The following FAM234B variants were observed in gnomAD, a reference collection of about 807,000 sequenced individuals.
FAM234B encodes the protein protein FAM234B.
FAM234B carries 33 observed loss-of-function variants against 69.3 expected under a neutral mutation model. That is an observed-to-expected ratio of 0.48 (90% CI 0.36 to 0.64). The LOEUF is 0.64. Among genes scored for constraint, FAM234B ranks in the 30% least tolerant of loss-of-function variants. The pLI is 0.00. For synonymous variants in FAM234B, 306 were observed against 306.9 expected (o/e 1.00, Z 0.03); for missense variants, 697 against 769.7 (o/e 0.91, Z 1.12).
chr12:13,068,547 A>C, intron 8 of FAM234B, 83 bp from the exon 9 acceptor site: 6 of 1,580,580 alleles, frequency 3.8e-6, no homozygotes, highest in Non-Finnish European at 5.2e-6. Context: ...ATCTGGGGCC[A>C]GTGCAAGAGA....
rs975670058 is a variant in FAM234B, at chr12:13,044,708, A to T, written c.37+268A>T. ...GCGCCGAGCAGGTGTTACGGCGGGG[A>T]ATGTCAGAACGCCGGTCGCCGCTGT... On this transcript the variant is annotated intron_variant, in intron 1 of 12. Coordinates refer to ENST00000197268, the MANE Select transcript of FAM234B (RefSeq NM_020853.2). The surrounding 1 kb of genome is among the most constrained non-coding windows in gnomAD (Gnocchi z 5.6). Among the ~76,000 whole-genome samples, 1 of 151,622 alleles carries T rather than the reference A, an allele frequency of 6.6e-6. No homozygotes were observed. Among genetic ancestry groups the T allele is most frequent in the South Asian group, 2.1e-4 (1 of 4,790 alleles).
chr12:13,061,038 TTC>T (rs754384000), intron 3 of FAM234B, among the ~76,000 whole-genome samples: 9 of 152,238 alleles, frequency 5.9e-5, no homozygotes, highest in Non-Finnish European at 8.8e-5. Context: ...GAAAATATTT[TTC>T]TGCTCTCAGG....
At chr12:13,053,749 A>G (rs1301340589) in intron 1 of FAM234B, among the ~76,000 whole-genome samples, 1 of 152,216 alleles carries the variant, frequency 6.6e-6, no homozygotes, top group African/African-American at 2.4e-5. Flanking sequence ...CGGTCTGACC[A>G]AAATTTACCA....
chr12:13,050,011 G>A (rs1435865834), intron 1 of FAM234B, among the ~76,000 whole-genome samples: 1 of 152,154 alleles, frequency 6.6e-6, no homozygotes, highest in South Asian at 2.1e-4. Flanking sequence ...TAAGTCAGCT[G>A]GCTCCCCACC....
Position 13,061,575 on chromosome 12 carries a change from G to C in FAM234B, c.533G>C (p.Gly178Ala). 1 of 1,608,150 alleles carries C rather than the reference G, an allele frequency of 6.2e-7. No individual in the cohort carries two copies. Among genetic ancestry groups the C allele is most frequent in the South Asian group, 1.1e-5 (1 of 90,478 alleles). The change falls in exon 4 of 13, where the codon GGT becomes GCT. Residue 178 changes from glycine (G) to alanine (A), a missense_variant and splice_region_variant. Physicochemically the swap from Gly to Ala is moderately conservative, Grantham distance 60 (BLOSUM62 0). Transcript: ENST00000197268. ...FVMSRNGSAVGVSRPAANLVC... is the reference protein window; with the variant it reads ...FVMSRNGSAVAVSRPAANLVC... ...TTTTATCTCTCTTGTGTGCTTTTAG[G>C]TGTCTCAAGACCAGCTGCTAATCTT...
At chr12:13,061,302 A>T (rs923809544) in intron 3 of FAM234B, among the ~76,000 whole-genome samples, 1 of 152,182 alleles carries the variant, frequency 6.6e-6, no homozygotes, top group Non-Finnish European at 1.5e-5. Context: ...GCAGACATGT[A>T]AAGAGTAGTG....
chr12:13,053,658 CTGA>C (rs1343641216), intron 1 of FAM234B, among the ~76,000 whole-genome samples: 2 of 152,168 alleles, frequency 1.3e-5, no homozygotes, highest in African/African-American at 4.8e-5. Context: ...GTTAGAATTA[CTGA>C]TGAGGGTCTG....
At chr12:13,066,086 C>T (rs1865033159) in intron 5 of FAM234B, among the ~76,000 whole-genome samples, 1 of 152,202 alleles carries the variant, frequency 6.6e-6, no homozygotes, top group South Asian at 2.1e-4. Context: ...ACTGCTTTCA[C>T]ACAAGAACAG....
chr12:13,079,047 T>C (rs1459782338), intron 11 of FAM234B, among the ~76,000 whole-genome samples: 1 of 151,912 alleles, frequency 6.6e-6, no homozygotes, highest in Non-Finnish European at 1.5e-5. Flanking sequence ...TACTTTAAAG[T>C]TCATATGGAA....
chr12:13,061,110 T>G (rs1463755405), intron 3 of FAM234B, among the ~76,000 whole-genome samples: 2 of 152,260 alleles, frequency 1.3e-5, no homozygotes, highest in East Asian at 3.8e-4. Flanking sequence ...GCACACGTTC[T>G]GGATCAGTCT....
In FAM234B at chr12:13,079,868, C is replaced by G; in HGVS notation, c.1722C>G (p.Ala574=). ...TGPSSEGHPA[A]LVVSKLSLRW... The stretch of plus-strand genomic sequence containing the variant: ...CAAGCTCCGAAGGCCATCCAGCAGC[C>G]CTGGTGGTCAGCAAGCTTAGTCTAC... The change falls in exon 12 of 13, where the codon GCC becomes GCG. Residue 574 remains alanine, a synonymous_variant. Coordinates refer to ENST00000197268, the MANE Select transcript of FAM234B (RefSeq NM_020853.2). The G allele has an allele frequency of 6.2e-7, 1 of 1,614,048 alleles. No individual in the cohort carries two copies. The highest frequency in any genetic ancestry group is 1.1e-5 in the South Asian group (1 of 91,060).
intron 3 of FAM234B, among the ~76,000 whole-genome samples, chr12:13,058,862 G>A (rs888902214): frequency 2.6e-5 from 4 of 152,136 alleles, no homozygotes; most frequent in African/African-American, 9.7e-5. Context: ...GGGTTCCTTG[G>A]GTTTTCTCCT....
chr12:13,066,676 G>A lies in FAM234B; in HGVS notation c.889G>A (p.Gly297Arg), dbSNP rs753287299. Residue 297 changes from glycine (G) to arginine (R), a missense_variant, in exon 6 of 13, where the codon GGA (glycine) becomes AGA (arginine). Coordinates refer to ENST00000197268, the MANE Select transcript of FAM234B (RefSeq NM_020853.2). The part of the protein sequence containing the change: ...LCFLLVSGRT[G>R]NPVGRPVKYN... ...CTTTCTGCTGGTGTCTGGCCGGACC[G>A]GAAATCCAGTGGGTCGACCTGTGAA... The A allele has an allele frequency of 5.0e-6, 8 of 1,613,838 alleles. No individual in the cohort carries two copies. The highest frequency in any genetic ancestry group is 3.3e-5 in the Admixed American group (2 of 59,998).
chr12:13,075,653 TC>T (rs1865151217), intron 10 of FAM234B, among the ~76,000 whole-genome samples: 1 of 148,080 alleles, frequency 6.8e-6, no homozygotes, highest in Non-Finnish European at 1.5e-5. Context: ...ACAGGGTTTC[TC>T]CATGTTGGCC....
chr12:13,057,394 G>T (rs751642332), intron 2 of FAM234B, among the ~76,000 whole-genome samples: 1 of 151,286 alleles, frequency 6.6e-6, no homozygotes, highest in Non-Finnish European at 1.5e-5. Flanking sequence ...TTTTTCCATG[G>T]TATGAATATC....
intron 11 of FAM234B, among the ~76,000 whole-genome samples, chr12:13,079,481 G>A (rs1865200101): frequency 6.6e-6 from 1 of 152,146 alleles, no homozygotes; most frequent in Non-Finnish European, 1.5e-5. Context: ...CTAGTGTTTC[G>A]GGCTTGCTTT....
intron 12 of FAM234B, 30 bp downstream of exon 12, chr12:13,080,039 T>C: frequency 6.6e-7 from 1 of 1,510,842 alleles, no homozygotes; most frequent in Non-Finnish European, 8.9e-7. Context: ...TTGTTCCTCT[T>C]GAGGGTTTAG....
At chr12:13,047,863 G>A (rs1864828330) in intron 1 of FAM234B, among the ~76,000 whole-genome samples, 1 of 152,026 alleles carries the variant, frequency 6.6e-6, no homozygotes, top group Non-Finnish European at 1.5e-5. Flanking sequence ...AAGGCAAGTT[G>A]GTGGACTTCT....
In FAM234B at chr12:13,070,172, GATATATATATATATAT is replaced by G. The variant is rs66463903; in HGVS notation, c.1369-1045_1369-1030del. On this transcript the variant is annotated intron_variant, in intron 9 of 12. Coordinates refer to ENST00000197268, the MANE Select transcript of FAM234B (RefSeq NM_020853.2). Reference sequence around the variant, plus strand: ...AGTTAAACTATAATAATTAAAAAAAGATATATATATATATATATATATATATATATATATATATAAA... The same window carrying G: ...AGTTAAACTATAATAATTAAAAAAAGATATATATATATATATATATATAAA... Among the ~76,000 whole-genome samples the G allele has an allele frequency of 9.5e-3, 1,328 of 139,762 alleles. 22 individuals carry two copies. The highest frequency in any genetic ancestry group is 0.026 in the Middle Eastern group (7 of 268). The allele number at this position is 139,762 out of a possible 152,430, so 91.7% of individuals were successfully genotyped here.
Sources: gnomAD v4.1 joint callset for allele counts (sites outside exome capture counted in the v4.1 genomes callset) on GRCh38, gnomAD v4.1.1 for gene constraint, Gnocchi (gnomAD v3.1) non-coding constraint, MANE v1.5 for transcripts, NCBI Gene and HGNC (gene_info 2026-07-23, HGNC 2026-07-21) for gene names.